The following C2CD2 variants were observed in gnomAD, a reference collection of about 807,000 sequenced individuals.
C2CD2 encodes the protein C2 calcium dependent domain containing 2.
C2CD2 carries 43 observed loss-of-function variants against 74.3 expected under a neutral mutation model. The ratio of observed to expected loss-of-function variants is 0.58; its 90% CI spans 0.45 to 0.75. The LOEUF (loss-of-function observed/expected upper bound fraction) is 0.75. C2CD2 is among the 30% of genes least tolerant of loss of function. C2CD2 has a pLI of 0.00. For synonymous variants in C2CD2, 422 were observed against 390.7 expected, an observed-to-expected ratio of 1.08 and a Z score of -0.94; for missense variants, 801 against 916.3, an observed-to-expected ratio of 0.87 and a Z score of 1.63.
intron 1 of C2CD2, among the ~76,000 whole-genome samples, chr21:41,950,023 C>A (rs952161882): frequency 2.0e-5 from 3 of 151,840 alleles, no homozygotes; most frequent in African/African-American, 7.3e-5. Flanking sequence ...AGCACTAGGA[C>A]AAATACCTAA....
chr21:41,921,891 T>C, intron 3 of C2CD2, 81 bp downstream of exon 3: 2 of 840,734 alleles, frequency 2.4e-6, no homozygotes, highest in Non-Finnish European at 4.1e-6. Context: ...GTTACAGCCC[T>C]CTGACTCACA....
At chr21:41,910,140 C>A (rs565879927) in intron 7 of C2CD2, among the ~76,000 whole-genome samples, 15 of 152,120 alleles carry the variant, frequency 9.9e-5, no homozygotes, top group Non-Finnish European at 1.6e-4. Context: ...AGCCTGTAAC[C>A]TATTCTTTTA....
At chr21:41,937,277 C>T (rs1466698744) in intron 2 of C2CD2, among the ~76,000 whole-genome samples, 17 of 151,286 alleles carry the variant, frequency 1.1e-4, no homozygotes, top group South Asian at 2.1e-4. Flanking sequence ...TCACCACGCT[C>T]GGCTAATTTT....
rs114158180 is a variant in C2CD2 at position 41,949,467 on chromosome 21, G to C, written c.279+3903C>G. Among the ~76,000 whole-genome samples the C allele has an allele frequency of 6.4e-3, 978 of 152,286 alleles. 8 individuals carry two copies. The highest frequency in any genetic ancestry group is 0.022 in the African/African-American group (919 of 41,550). On this transcript the variant is annotated intron_variant, in intron 1 of 13. Transcript: ENST00000380486. ...TCTGCAACACCACACCAAGTGGAGAGGCAAGAGTCAAAGCTCAAACAATTG... is the reference window on the plus strand; with the variant it reads ...TCTGCAACACCACACCAAGTGGAGACGCAAGAGTCAAAGCTCAAACAATTG...
chr21:41,919,114 G>C, intron 3 of C2CD2, 154 bp from the exon 4 acceptor site: 1 of 639,878 alleles, frequency 1.6e-6, no homozygotes, highest in Admixed American at 2.4e-5. Context: ...GAGTGTGCGT[G>C]TATGCGCATG....
At chr21:41,938,802 C>T (rs147615204) in intron 2 of C2CD2, among the ~76,000 whole-genome samples, 2,106 of 149,090 alleles carry the variant, frequency 0.014, 50 homozygotes, top group African/African-American at 0.049. Context: ...AGTGCACTGG[C>T]GTGATCTCGG....
chr21:41,899,115 C>A lies in C2CD2; in HGVS notation c.1808G>T (p.Gly603Val), dbSNP rs1205152121. ...CATGGAGCTCTCTGACAGCTCATCA[C>A]CGTCGGGGTCCAGCAGGACCTGGCT... The part of the protein sequence containing the change: ...WSSQVLLDPD[G>V]DELSESSMSV... Residue 603 changes from glycine (G) to valine (V), a missense_variant, in exon 13 of 14, where the codon GGT becomes GTT. Gly to Val is a moderately radical substitution (Grantham distance 109, BLOSUM62 -3). Coordinates refer to ENST00000380486, the MANE Select transcript of C2CD2 (RefSeq NM_015500.2). The surrounding 1 kb of genome is among the most constrained non-coding windows in gnomAD (Gnocchi z 4.4). 1 of 1,614,002 alleles carries A rather than the reference C, an allele frequency of 6.2e-7. No individual in the cohort carries two copies. The highest frequency in any genetic ancestry group is 1.1e-5 in the South Asian group (1 of 91,084).
intron 2 of C2CD2, among the ~76,000 whole-genome samples, chr21:41,938,807 T>C (rs1464371427): frequency 6.6e-6 from 1 of 151,362 alleles, no homozygotes; most frequent in Non-Finnish European, 1.5e-5. Flanking sequence ...ACTGGCGTGA[T>C]CTCGGCTCAC....
At chr21:41,943,827 A>C (rs987842151) in intron 1 of C2CD2, among the ~76,000 whole-genome samples, 9 of 152,324 alleles carry the variant, frequency 5.9e-5, no homozygotes, top group African/African-American at 9.6e-5. Context: ...CTCATCCCCC[A>C]AAAATCAGCA....
chr21:41,943,805 T>C (rs1348446028), intron 1 of C2CD2, among the ~76,000 whole-genome samples: 1 of 152,226 alleles, frequency 6.6e-6, no homozygotes, highest in African/African-American at 2.4e-5. Flanking sequence ...ACCCTTTTCT[T>C]ACACTGTCTA....
chr21:41,919,836 G>A (rs2065136151), intron 3 of C2CD2, among the ~76,000 whole-genome samples: 1 of 152,200 alleles, frequency 6.6e-6, no homozygotes, highest in Non-Finnish European at 1.5e-5. Flanking sequence ...AGACCCTACA[G>A]GGCACAGGAG....
chr21:41,903,937 G>A lies in C2CD2; in HGVS notation c.1432+1787C>T, dbSNP rs1184883691. 6.6e-6 allele frequency among the ~76,000 whole-genome samples: 1 copy of A among 152,182 alleles called. No homozygotes were observed. The highest frequency in any genetic ancestry group is 1.5e-5 in the Non-Finnish European group (1 of 68,014). On this transcript the variant is annotated intron_variant, in intron 11 of 13. Coordinates refer to ENST00000380486, the MANE Select transcript of C2CD2 (RefSeq NM_015500.2). This position sits in a 1 kb window ranked among gnomAD's most constrained non-coding sequence, Gnocchi z 4.5. Reference sequence around the variant, plus strand: ...AGGGGCATCAGGGGCAGCGGCAAAAGCATCAGCGGCATTAGTACCAGAGCG... The same window carrying A: ...AGGGGCATCAGGGGCAGCGGCAAAAACATCAGCGGCATTAGTACCAGAGCG...
intron 7 of C2CD2, 51 bp from the exon 8 acceptor site, chr21:41,909,574 T>A: frequency 8.3e-7 from 1 of 1,201,500 alleles, no homozygotes; most frequent in Non-Finnish European, 1.2e-6. Flanking sequence ...TGCTTGATTC[T>A]TTTTATGAAA....
chr21:41,953,566 G>A lies in C2CD2; in HGVS notation c.83C>T (p.Thr28Met), dbSNP rs2065468665. Residue 28 changes from threonine (T) to methionine (M), a missense_variant, in exon 1 of 14, where the codon ACG becomes ATG. By Grantham distance (81) the Thr-to-Met change is moderately conservative (BLOSUM62 -1). Transcript: ENST00000380486. ...LVSLFVAALATVGLYLAQWAL... is the reference protein window; with the variant it reads ...LVSLFVAALAMVGLYLAQWAL... The stretch of plus-strand genomic sequence containing the variant: ...CCACTGCGCCAGGTACAGGCCTACC[G>A]TGGCCAGGGCCGCGACGAAGAGCGA... 7 of 1,498,988 alleles carry A rather than the reference G, an allele frequency of 4.7e-6. No homozygotes were observed. The highest frequency in any genetic ancestry group is 6.2e-6 in the Non-Finnish European group (7 of 1,133,008). 92.9% of individuals were successfully genotyped at this position (1,498,988 alleles called of 1,614,324 possible).
intron 6 of C2CD2, among the ~76,000 whole-genome samples, chr21:41,912,736 G>A (rs778672501): frequency 7.9e-5 from 12 of 152,074 alleles, no homozygotes; most frequent in Non-Finnish European, 1.6e-4. Flanking sequence ...TGATCCACCC[G>A]CCTCGGCCTC....
chr21:41,916,463 T>C (rs1311819149), intron 5 of C2CD2, among the ~76,000 whole-genome samples: 2 of 152,176 alleles, frequency 1.3e-5, no homozygotes, highest in East Asian at 3.9e-4. Flanking sequence ...GGCCTTTTCC[T>C]GCCTTCAGAC....
chr21:41,928,308 G>C (rs936959092), intron 2 of C2CD2, among the ~76,000 whole-genome samples: 4 of 152,128 alleles, frequency 2.6e-5, no homozygotes, highest in Non-Finnish European at 1.5e-5. Context: ...GCACCTGCAG[G>C]CTGGCTCGGC....
Position 41,889,185 on chromosome 21 carries a change from A to C in C2CD2, c.2030T>G (p.Leu677Arg), listed in dbSNP as rs757455763. ...ITLTRILNKK[L>R]LSRHRNKNTM... The stretch of plus-strand genomic sequence containing the variant: ...GTTCTTGTTTCTGTGCCTGGAGAGC[A>C]GCTTCTTGTTCAGGATCCTGGTGAG... The change falls in exon 14 of 14, where the codon CTG becomes CGG. Residue 677 changes from leucine to arginine, a missense_variant. Transcript: ENST00000380486. 1 of 1,613,110 alleles carries C rather than the reference A, an allele frequency of 6.2e-7. No individual in the cohort carries two copies. The highest frequency in any genetic ancestry group is 8.5e-7 in the Non-Finnish European group (1 of 1,180,026).
chr21:41,930,047 G>A (rs1005546021), intron 2 of C2CD2, among the ~76,000 whole-genome samples: 1 of 133,854 alleles, frequency 7.5e-6, no homozygotes, highest in African/African-American at 2.5e-5. Flanking sequence ...ACTTGCTTTG[G>A]CGCCTTATCT....
Sources: gnomAD v4.1 joint callset for allele counts (sites outside exome capture counted in the v4.1 genomes callset) on GRCh38, gnomAD v4.1.1 for gene constraint, Gnocchi (gnomAD v3.1) non-coding constraint, MANE v1.5 for transcripts, NCBI Gene and HGNC (gene_info 2026-07-23, HGNC 2026-07-21) for gene names.